Variants in DNAAF3 observed in about 807,000 individuals in gnomAD.
DNAAF3 encodes UPF0470 protein C19orf51.
A neutral mutation model predicts 50.9 loss-of-function variants in DNAAF3; 40 were observed. That is an observed-to-expected ratio of 0.79 (90% CI 0.61 to 1.02). The LOEUF is 1.02. DNAAF3 is among the 50% of genes least tolerant of loss of function. The pLI, the probability that DNAAF3 is intolerant of heterozygous loss-of-function variation, is 0.00. For missense variants in DNAAF3, 763 were observed against 744.7 expected (o/e 1.02, Z -0.29); for synonymous variants, 327 against 322.8 (o/e 1.01, Z -0.14).
In DNAAF3 at chr19:55,160,937, G is replaced by A; in HGVS notation, c.912+128C>T. On this transcript the variant is annotated intron_variant, in intron 8 of 11. Coordinates refer to ENST00000524407, the MANE Select transcript of DNAAF3 (RefSeq NM_001256715.2). This position sits in a 1 kb window ranked among gnomAD's most constrained non-coding sequence, Gnocchi z 4.7. ...CGGGGATGGGGCCTGTTCTCTGAAT[G>A]GAGTCGTTCCCACCAAGCGACGGGC... 1 of 1,448,966 alleles carries A rather than the reference G, an allele frequency of 6.9e-7. No individual in the cohort carries two copies. The highest frequency in any genetic ancestry group is 2.6e-5 in the Admixed American group (1 of 38,290). The allele number at this position is 1,448,966 out of a possible 1,614,324, so 89.8% of individuals were successfully genotyped here.
Position 55,159,898 on chromosome 19 carries a change from C to T in DNAAF3, c.1163+1G>A. On this transcript the variant is annotated splice_donor_variant, in intron 10 of 11. Coordinates refer to ENST00000524407, the MANE Select transcript of DNAAF3 (RefSeq NM_001256715.2). LOFTEE classifies it high-confidence loss of function. ...GTGAGCACAGCTGCCTCCCCGCTTA[C>T]CCACAGGCCACATAGAGGAGCTGGA... The T allele has an allele frequency of 6.2e-7, 1 of 1,613,654 alleles. No homozygotes were observed. Among genetic ancestry groups the T allele is most frequent in the Non-Finnish European group, 8.5e-7 (1 of 1,179,770 alleles).
chr19:55,163,062 T>G (rs1294589993), intron 4 of DNAAF3, among the ~76,000 whole-genome samples: 1 of 145,308 alleles, frequency 6.9e-6, no homozygotes, highest in Admixed American at 7.0e-5. Flanking sequence ...TAGACTGTAG[T>G]GCAGTGGCGC....
chr19:55,161,053 C>A lies in DNAAF3; in HGVS notation c.912+12G>T. On this transcript the variant is annotated intron_variant, in intron 8 of 11. Coordinates refer to ENST00000524407, the MANE Select transcript of DNAAF3 (RefSeq NM_001256715.2). This position sits in a 1 kb window ranked among gnomAD's most constrained non-coding sequence, Gnocchi z 6.4. ...CCCCACCTCTACCCCCAGTCCCAGCCTCGCCGCGCACCTTGACTGGCTGGC... is the reference window on the plus strand; with the variant it reads ...CCCCACCTCTACCCCCAGTCCCAGCATCGCCGCGCACCTTGACTGGCTGGC... 1.3e-6 allele frequency: 2 copies of A among 1,536,732 alleles called. No individual in the cohort carries two copies. Among genetic ancestry groups the A allele is most frequent in the East Asian group, 2.5e-5 (1 of 40,738 alleles).
chr19:55,162,187 G>C lies in DNAAF3; in HGVS notation c.426C>G (p.Pro142=), dbSNP rs981566868. 7.2e-5 allele frequency: 90 copies of C among 1,253,564 alleles called. No homozygotes were observed. Among genetic ancestry groups the C allele is most frequent in the South Asian group, 1.2e-4 (3 of 25,898 alleles). The allele number at this position is 1,253,564 out of a possible 1,614,324, so 77.7% of individuals were successfully genotyped here. A position where few individuals can be genotyped will look rare whatever the true frequency, so the allele number is the denominator to read the frequency against. Residue 142 remains proline (P), a synonymous_variant, in exon 5 of 12, where the codon CCC becomes CCG. Transcript: ENST00000524407. The part of the protein sequence containing the change: ...AQADLLAHLV[P]EPDRLEEQLP... ...GCTGTTCCTCCAGGCGGTCGGGCTCGGGGACCAGGTGCGCCAGCAGGTCGG... is the reference window on the plus strand; with the variant it reads ...GCTGTTCCTCCAGGCGGTCGGGCTCCGGGACCAGGTGCGCCAGCAGGTCGG...
At chr19:55,163,830 CTG>C (rs2085888269) in intron 4 of DNAAF3, among the ~76,000 whole-genome samples, 1 of 152,180 alleles carries the variant, frequency 6.6e-6, no homozygotes, top group Non-Finnish European at 1.5e-5. Flanking sequence ...TTTGAACAAT[CTG>C]TACTGTGCAA....
chr19:55,163,681 T>C (rs1936809578), intron 4 of DNAAF3, among the ~76,000 whole-genome samples: 1 of 152,242 alleles, frequency 6.6e-6, no homozygotes, highest in African/African-American at 2.4e-5. Context: ...TACTGAGGGA[T>C]GACTGTATAT....
rs1018346572 is a variant in DNAAF3, at chr19:55,165,505, G to T, written c.229-42C>A. 6 of 1,602,952 alleles carry T rather than the reference G, an allele frequency of 3.7e-6. No homozygotes were observed. The Admixed American group carries it at 6.7e-5, about 18-fold the overall frequency. ...GGCAGAATAATTCTGAGACCTGTTT[G>T]CCTGGGTCCTAGGAGACCCAGGAGA... On this transcript the variant is annotated intron_variant, in intron 3 of 11. Transcript: ENST00000524407.
rs761802279 is a variant in DNAAF3 at position 55,161,798 on chromosome 19, C to T, written c.508G>A (p.Val170Ile). ...KFRERDALEA[V>I]FRFWAGGEKG... is the part of the protein sequence containing the mutation. ...TCGCCGCCAGCCCAGAAGCGGAATA[C>T]GGCCTCCAGGGCATCCCGCTCGCGG... The change falls in exon 6 of 12, where the codon GTA (valine) becomes ATA (isoleucine). Residue 170 changes from valine (V) to isoleucine (I), a missense_variant. Coordinates refer to ENST00000524407, the MANE Select transcript of DNAAF3 (RefSeq NM_001256715.2). This position sits in a 1 kb window ranked among gnomAD's most constrained non-coding sequence, Gnocchi z 6.4. The T allele has an allele frequency of 1.4e-5, 21 of 1,477,254 alleles. No individual in the cohort carries two copies. Among genetic ancestry groups the T allele is most frequent in the Admixed American group, 2.3e-5 (1 of 43,244 alleles). The allele number at this position is 1,477,254 out of a possible 1,614,324, so 91.5% of individuals were successfully genotyped here. A position where few individuals can be genotyped will look rare whatever the true frequency, so the allele number is the denominator to read the frequency against.
chr19:55,158,761 A>C lies in DNAAF3; in HGVS notation c.*301T>G. On this transcript the variant is annotated 3_prime_UTR_variant, in exon 12 of 12. Transcript: ENST00000524407. Reference sequence around the variant, plus strand: ...CTAGTCAGCCACAGGGTGCCTGGGAACAAGGGGGCCAAAGTCAAGGGCCTG... The same window carrying C: ...CTAGTCAGCCACAGGGTGCCTGGGACCAAGGGGGCCAAAGTCAAGGGCCTG... 3.8e-5 allele frequency: 10 copies of C among 264,924 alleles called. No individual in the cohort carries two copies. The highest frequency in any genetic ancestry group is 2.3e-4 in the East Asian group (3 of 13,284). The allele number at this position is 264,924 out of a possible 1,614,324, so 16.4% of individuals were successfully genotyped here.
Position 55,159,245 on chromosome 19 carries a change from C to T in DNAAF3, c.1443G>A (p.Gln481=), listed in dbSNP as rs751901961. Residue 481 remains glutamine (Q), a synonymous_variant, in exon 12 of 12, where the codon CAG becomes CAA. Transcript: ENST00000524407. ...PGTPPLDILA[Q]PLEASNPALE... ...GGGCTGGGTTGCTGGCTTCAAGAGG[C>T]TGGGCCAGGATGTCAAGGGGCGGAG... 1.9e-6 allele frequency: 3 copies of T among 1,613,976 alleles called. No homozygotes were observed. In the South Asian group the frequency reaches 3.3e-5, roughly 18 times the overall value.
Position 55,160,902 on chromosome 19 carries a change from A to G in DNAAF3, c.913-127T>C. 1.4e-6 allele frequency: 2 copies of G among 1,458,994 alleles called. No individual in the cohort carries two copies. Among genetic ancestry groups the G allele is most frequent in the South Asian group, 1.4e-5 (1 of 73,986 alleles). The allele number at this position is 1,458,994 out of a possible 1,614,324, so 90.4% of individuals were successfully genotyped here. A position where few individuals can be genotyped will look rare whatever the true frequency, so the allele number is the denominator to read the frequency against. On this transcript the variant is annotated intron_variant, in intron 8 of 11. Transcript: ENST00000524407. This position sits in a 1 kb window ranked among gnomAD's most constrained non-coding sequence, Gnocchi z 4.7. ...CTTGGAGGATGTGAAGTGGGGCGGGACCTATCCCGCGGGGATGGGGCCTGT... is the reference window on the plus strand; with the variant it reads ...CTTGGAGGATGTGAAGTGGGGCGGGGCCTATCCCGCGGGGATGGGGCCTGT...
At position 55,161,283 on chromosome 19, in the gene DNAAF3, G is replaced by A; in HGVS notation, c.789+10C>T. 1 of 1,608,324 alleles carries A rather than the reference G, an allele frequency of 6.2e-7. No homozygotes were observed. Among genetic ancestry groups the A allele is most frequent in the Non-Finnish European group, 8.5e-7 (1 of 1,176,694 alleles). ...GCAGCAGTGGGCCAGGACAGGCAGTGGACACGCACGTAGCTCAGGAGGCGA... is the reference window on the plus strand; with the variant it reads ...GCAGCAGTGGGCCAGGACAGGCAGTAGACACGCACGTAGCTCAGGAGGCGA... On this transcript the variant is annotated intron_variant, in intron 7 of 11. Transcript: ENST00000524407. This position sits in a 1 kb window ranked among gnomAD's most constrained non-coding sequence, Gnocchi z 6.4.
chr19:55,162,199 C>T lies in DNAAF3; in HGVS notation c.414G>A (p.Ala138=), dbSNP rs562110613. ...GGCGGTCGGGCTCGGGGACCAGGTG[C>T]GCCAGCAGGTCGGCCTGGGCACGCA... ...AFVRAQADLL[A]HLVPEPDRLE... is the part of the protein sequence containing the mutation. The change falls in exon 5 of 12, where the codon GCG becomes GCA. Residue 138 remains alanine (A), a synonymous_variant. Transcript: ENST00000524407. 6 of 1,253,202 alleles carry T rather than the reference C, an allele frequency of 4.8e-6. No individual in the cohort carries two copies. Among genetic ancestry groups the T allele is most frequent in the Non-Finnish European group, 6.1e-6 (6 of 990,836 alleles). 77.6% of individuals were successfully genotyped at this position (1,253,202 alleles called of 1,614,324 possible). A position where few individuals can be genotyped will look rare whatever the true frequency, so the allele number is the denominator to read the frequency against.
At position 55,160,539 on chromosome 19, in the gene DNAAF3, C is replaced by G; in HGVS notation, c.1048+101G>C. The G allele has an allele frequency of 6.4e-7, 1 of 1,562,990 alleles. No homozygotes were observed. The highest frequency in any genetic ancestry group is 8.7e-7 in the Non-Finnish European group (1 of 1,152,794). The stretch of plus-strand genomic sequence containing the variant: ...AAAAAGAGACAGAATATCAAGAAGC[C>G]GTCACTTGCCCAGGCATTCCAAATC... On this transcript the variant is annotated intron_variant, in intron 9 of 11. Transcript: ENST00000524407. This position sits in a 1 kb window ranked among gnomAD's most constrained non-coding sequence, Gnocchi z 4.7.
intron 4 of DNAAF3, among the ~76,000 whole-genome samples, chr19:55,163,938 G>A (rs2085889763): frequency 1.3e-5 from 2 of 152,154 alleles, no homozygotes; most frequent in African/African-American, 4.8e-5. Flanking sequence ...CAATATTGGA[G>A]GCGGGGCCTG....
At position 55,160,920 on chromosome 19, in the gene DNAAF3, G is replaced by A; in HGVS notation, c.912+145C>T. 2 of 1,448,032 alleles carry A rather than the reference G, an allele frequency of 1.4e-6. No homozygotes were observed. The highest frequency in any genetic ancestry group is 1.8e-6 in the Non-Finnish European group (2 of 1,102,130). The allele number at this position is 1,448,032 out of a possible 1,614,324, so 89.7% of individuals were successfully genotyped here. A position where few individuals can be genotyped will look rare whatever the true frequency, so the allele number is the denominator to read the frequency against. ...GGGCGGGACCTATCCCGCGGGGATG[G>A]GGCCTGTTCTCTGAATGGAGTCGTT... On this transcript the variant is annotated intron_variant, in intron 8 of 11. Transcript: ENST00000524407. The surrounding 1 kb of genome is among the most constrained non-coding windows in gnomAD (Gnocchi z 4.7).
At position 55,160,549 on chromosome 19, in the gene DNAAF3, C is replaced by G; in HGVS notation, c.1048+91G>C. Reference sequence around the variant, plus strand: ...AGAATATCAAGAAGCCGTCACTTGCCCAGGCATTCCAAATCATGTCAGTCC... The same window carrying G: ...AGAATATCAAGAAGCCGTCACTTGCGCAGGCATTCCAAATCATGTCAGTCC... On this transcript the variant is annotated intron_variant, in intron 9 of 11. Coordinates refer to ENST00000524407, the MANE Select transcript of DNAAF3 (RefSeq NM_001256715.2). This position sits in a 1 kb window ranked among gnomAD's most constrained non-coding sequence, Gnocchi z 4.7. The G allele has an allele frequency of 6.3e-7, 1 of 1,586,454 alleles. No individual in the cohort carries two copies. The highest frequency in any genetic ancestry group is 8.6e-7 in the Non-Finnish European group (1 of 1,168,876).
At chr19:55,163,730 T>C (rs986413287) in intron 4 of DNAAF3, among the ~76,000 whole-genome samples, 8 of 152,202 alleles carry the variant, frequency 5.3e-5, no homozygotes, top group Non-Finnish European at 1.2e-4. Context: ...GACATACAAA[T>C]AGTTTCATGT....
In DNAAF3 at chr19:55,161,877, G is replaced by A. The variant is rs3848617; in HGVS notation, c.481-52C>T. On this transcript the variant is annotated intron_variant, in intron 5 of 11. Transcript: ENST00000524407. This position sits in a 1 kb window ranked among gnomAD's most constrained non-coding sequence, Gnocchi z 6.4. ...AGAGGAAGGCAGAGAGGGATGCAGG[G>A]AGAGCGGATTCTAATTGACCCTCTC... 226,251 of 1,385,524 alleles carry A rather than the reference G, an allele frequency of 0.16. 22,965 individuals are homozygous for A. Among genetic ancestry groups the A allele is most frequent in the African/African-American group, 0.49 (32,160 of 65,830 alleles). The allele number at this position is 1,385,524 out of a possible 1,614,324, so 85.8% of individuals were successfully genotyped here. A position where few individuals can be genotyped will look rare whatever the true frequency, so the allele number is the denominator to read the frequency against.
Sources: gnomAD v4.1 joint callset for allele counts (sites outside exome capture counted in the v4.1 genomes callset) on GRCh38, gnomAD v4.1.1 for gene constraint, Gnocchi (gnomAD v3.1) non-coding constraint, MANE v1.5 for transcripts, NCBI Gene and HGNC (gene_info 2026-07-23, HGNC 2026-07-21) for gene names.